MCCC1: variants seen among roughly 807,000 people sequenced by gnomAD.
MCCC1 encodes methylcrotonoyl-CoA carboxylase subunit alpha, mitochondrial.
In MCCC1, 64 loss-of-function variants were observed where a neutral mutation model predicts 83.8. The ratio of observed to expected loss-of-function variants is 0.76; its 90% CI spans 0.62 to 0.94. The LOEUF is 0.94. Ranked by LOEUF, MCCC1 falls within the 40% of genes least tolerant of loss-of-function variation. The pLI is 0.00. For synonymous variants in MCCC1, 322 were observed against 315.4 expected, an observed-to-expected ratio of 1.02 and a Z score of -0.22; for missense variants, 807 against 904.7, an observed-to-expected ratio of 0.89 and a Z score of 1.39.
intron 8 of MCCC1, among the ~76,000 whole-genome samples, chr3:183,055,632 C>T (rs1018856263): frequency 3.3e-5 from 5 of 151,630 alleles, no homozygotes; most frequent in South Asian, 2.1e-4. Flanking sequence ...CACAGTGGCT[C>T]GGGCCTGTAA....
chr3:183,089,148 C>G (rs1718131263), intron 3 of MCCC1, among the ~76,000 whole-genome samples: 2 of 152,218 alleles, frequency 1.3e-5, no homozygotes, highest in Admixed American at 1.3e-4. Flanking sequence ...CTCATCAACA[C>G]TGAATATTAT....
At chr3:183,080,065 T>C (rs1345873628) in intron 4 of MCCC1, among the ~76,000 whole-genome samples, 9 of 152,180 alleles carry the variant, frequency 5.9e-5, no homozygotes, top group Non-Finnish European at 1.0e-4. Flanking sequence ...TCCGGGCCTG[T>C]GATGGGAGGG....
At chr3:183,092,260 T>C in intron 3 of MCCC1, 149 bp downstream of exon 3, 1 of 889,920 alleles carries the variant, frequency 1.1e-6, no homozygotes, top group Non-Finnish European at 1.8e-6. Context: ...ATCTGAAAAA[T>C]GTTCCCAAGA....
At chr3:183,048,668 T>G (rs1167856293) in intron 9 of MCCC1, among the ~76,000 whole-genome samples, 1 of 152,238 alleles carries the variant, frequency 6.6e-6, no homozygotes, top group Non-Finnish European at 1.5e-5. Flanking sequence ...AACACCCATC[T>G]GTTATTAAAT....
intron 1 of MCCC1, among the ~76,000 whole-genome samples, chr3:183,105,687 T>C (rs181877274): frequency 1.3e-5 from 2 of 151,488 alleles, no homozygotes; most frequent in African/African-American, 4.9e-5. Context: ...GAGTCACTAA[T>C]GGTAAAAAAG....
intron 10 of MCCC1, 82 bp downstream of exon 10, chr3:183,045,331 T>C (rs1714463577): frequency 3.9e-6 from 6 of 1,550,398 alleles, no homozygotes; most frequent in African/African-American, 1.4e-5. Context: ...CCACCTGCCT[T>C]GGCCTGCCAA....
chr3:183,091,821 G>A (rs149884679), intron 3 of MCCC1, among the ~76,000 whole-genome samples: 1,646 of 152,162 alleles, frequency 0.011, 24 homozygotes, highest in African/African-American at 0.037. Context: ...GGCGGATCAC[G>A]AGGTCAGCAG....
intron 1 of MCCC1, among the ~76,000 whole-genome samples, chr3:183,096,064 A>G (rs4859155): frequency 0.98 from 149,217 of 152,324 alleles, 73,095 homozygotes; most frequent in East Asian, 1. Context: ...GGCTGGGTGC[A>G]GTGGCTCACG....
At chr3:183,048,855 C>T (rs1490192668) in intron 9 of MCCC1, among the ~76,000 whole-genome samples, 1 of 152,124 alleles carries the variant, frequency 6.6e-6, no homozygotes, top group Non-Finnish European at 1.5e-5. Flanking sequence ...GACCATAAAC[C>T]ACATCTTAAC....
chr3:183,096,644 T>C (rs1718758953), intron 1 of MCCC1, among the ~76,000 whole-genome samples: 1 of 152,190 alleles, frequency 6.6e-6, no homozygotes, highest in African/African-American at 2.4e-5. Context: ...TGCCCTACAA[T>C]GCACACTCAG....
rs1444981679 is a variant in MCCC1, at chr3:183,036,001, G to A, written c.1594+1217C>T. Among the ~76,000 whole-genome samples the A allele has an allele frequency of 7.6e-5, 7 of 92,538 alleles. No individual in the cohort carries two copies. In the Admixed American group the frequency reaches 9.9e-4, roughly 13 times the overall value. 60.7% of individuals were successfully genotyped at this position (92,538 alleles called of 152,430 possible). A position where few individuals can be genotyped will look rare whatever the true frequency, so the allele number is the denominator to read the frequency against. ...CTCCCCCCACCCCACGACAGGCCCC[G>A]GTGTGTGATGTTCCCCACCCTGTGT... On this transcript the variant is annotated intron_variant, in intron 13 of 18. Coordinates refer to ENST00000265594, the MANE Select transcript of MCCC1 (RefSeq NM_020166.5).
At chr3:183,094,685 T>A in intron 1 of MCCC1, 80 bp from the exon 2 acceptor site, 1 of 1,448,272 alleles carries the variant, frequency 6.9e-7, no homozygotes, top group Non-Finnish European at 9.7e-7. Context: ...TTCAGTTTCT[T>A]AAAACATGAA....
intron 7 of MCCC1, among the ~76,000 whole-genome samples, chr3:183,065,659 A>G (rs1464305737): frequency 2.0e-5 from 3 of 152,102 alleles, no homozygotes; most frequent in Non-Finnish European, 4.4e-5. Flanking sequence ...TTAAAAAGTT[A>G]AAGGATTGTT....
At position 183,071,472 on chromosome 3, in the gene MCCC1, C is replaced by T. The variant is rs918828351; in HGVS notation, c.492-115G>A. 2.0e-5 allele frequency: 29 copies of T among 1,462,082 alleles called. No individual in the cohort carries two copies. In the Admixed American group the frequency reaches 4.0e-4, roughly 20 times the overall value. 90.6% of individuals were successfully genotyped at this position (1,462,082 alleles called of 1,614,324 possible). On this transcript the variant is annotated intron_variant, in intron 5 of 18. Coordinates refer to ENST00000265594, the MANE Select transcript of MCCC1 (RefSeq NM_020166.5). Reference sequence around the variant, plus strand: ...CAATGGAACTCTTTAAAGAAAACATCGAGTCTGAGACGACAAAATAATACA... The same window carrying T: ...CAATGGAACTCTTTAAAGAAAACATTGAGTCTGAGACGACAAAATAATACA...
chr3:183,092,402 C>T lies in MCCC1; in HGVS notation c.273+7G>A. 3 of 1,614,200 alleles carry T rather than the reference C, an allele frequency of 1.9e-6. No individual in the cohort carries two copies. In the South Asian group the frequency reaches 3.3e-5, roughly 18 times the overall value. Reference sequence around the variant, plus strand: ...GTAAGACGTGGCTTCCAATTTTTAACACATACCATATCTACATGCATGGAA... The same window carrying T: ...GTAAGACGTGGCTTCCAATTTTTAATACATACCATATCTACATGCATGGAA... On this transcript the variant is annotated splice_region_variant and intron_variant, in intron 3 of 18. Transcript: ENST00000265594.
intron 7 of MCCC1, among the ~76,000 whole-genome samples, chr3:183,067,520 A>T (rs1286065904): frequency 2.0e-5 from 3 of 152,178 alleles, no homozygotes; most frequent in African/African-American, 7.2e-5. Context: ...GGAGAGAGAA[A>T]AATTATGTTT....
rs367688701 is a variant in MCCC1, at chr3:183,094,133, G to C, written c.136+426C>G. On this transcript the variant is annotated intron_variant, in intron 2 of 18. Coordinates refer to ENST00000265594, the MANE Select transcript of MCCC1 (RefSeq NM_020166.5). ...GCGAGATCTTGGCTCATTGCAACCT[G>C]CGCCTCCTGGGTTCAAGCAATTCTC... is the stretch of plus-strand genomic sequence containing the variant. Among the ~76,000 whole-genome samples, 25 of 147,090 alleles carry C rather than the reference G, an allele frequency of 1.7e-4. No homozygotes were observed. In the East Asian group the frequency reaches 3.2e-3, roughly 19 times the overall value.
intron 7 of MCCC1, among the ~76,000 whole-genome samples, chr3:183,061,479 G>A (rs1405655828): frequency 6.6e-6 from 1 of 152,110 alleles, no homozygotes; most frequent in East Asian, 1.9e-4. Context: ...TTTACTGTGG[G>A]AACTTGGTGA....
intron 1 of MCCC1, among the ~76,000 whole-genome samples, chr3:183,106,746 C>T (rs894645760): frequency 6.6e-6 from 1 of 152,116 alleles, no homozygotes; most frequent in Non-Finnish European, 1.5e-5. Flanking sequence ...ATCCACCCAC[C>T]TTAGCCTCCC....
Sources: gnomAD v4.1 joint callset for allele counts (sites outside exome capture counted in the v4.1 genomes callset) on GRCh38, gnomAD v4.1.1 for gene constraint, MANE v1.5 for transcripts, NCBI Gene and HGNC (gene_info 2026-07-23, HGNC 2026-07-21) for gene names.